Variants in EPB41L4B observed in about 807,000 individuals in gnomAD.
The protein encoded by EPB41L4B is band 4.1-like protein 4B.
EPB41L4B carries 30 observed loss-of-function variants against 112.5 expected under a neutral mutation model. The observed-to-expected ratio is 0.27, with a 90% CI of 0.20 to 0.36. EPB41L4B has a LOEUF of 0.36. Ranked by LOEUF, EPB41L4B falls within the 10% of genes least tolerant of loss-of-function variation. The pLI, the probability that EPB41L4B is intolerant of heterozygous loss-of-function variation, is 1.00. For missense variants in EPB41L4B, 1,024 were observed against 1,133.3 expected, an observed-to-expected ratio of 0.90 and a Z score of 1.38; for synonymous variants, 408 against 439.7, an observed-to-expected ratio of 0.93 and a Z score of 0.90.
chr9:109,265,027 G>T lies in EPB41L4B; in HGVS notation c.534-3C>A. On this transcript the variant is annotated splice_region_variant and splice_polypyrimidine_tract_variant and intron_variant, in intron 4 of 25. Coordinates refer to ENST00000374566, the MANE Select transcript of EPB41L4B (RefSeq NM_019114.5). ...TGAGTTGTAAAACAAACAGGTACCT[G>T]ACAAACATATACAAAAGTCAACAGA... is the stretch of plus-strand genomic sequence containing the variant. 1 of 1,603,238 alleles carries T rather than the reference G, an allele frequency of 6.2e-7. No homozygotes were observed.
intron 12 of EPB41L4B, among the ~76,000 whole-genome samples, chr9:109,252,326 C>T (rs574839689): frequency 6.6e-6 from 1 of 152,346 alleles, no homozygotes; most frequent in African/African-American, 2.4e-5. Context: ...CCAGCATAAT[C>T]CTCCTCATGG....
intron 22 of EPB41L4B, among the ~76,000 whole-genome samples, chr9:109,188,815 T>G (rs1832356594): frequency 6.6e-6 from 1 of 152,180 alleles, no homozygotes; most frequent in Non-Finnish European, 1.5e-5. Flanking sequence ...TAATTGGCTC[T>G]GCTTTGCAGT....
Position 109,175,468 on chromosome 9 carries a change from AACACACACACAC to A in EPB41L4B, c.2634-857_2634-846del, listed in dbSNP as rs59210551. 9.0e-4 allele frequency among the ~76,000 whole-genome samples: 117 copies of A among 129,406 alleles called. 1 individual carries two copies. The highest frequency in any genetic ancestry group is 2.8e-3 in the African/African-American group (95 of 34,504). 84.9% of individuals were successfully genotyped at this position (129,406 alleles called of 152,430 possible). ...CTATGTAACCTGTCTCCACTGTTTAAACACACACACACACACACACACACACACACACACACA... is the reference window on the plus strand; with the variant it reads ...CTATGTAACCTGTCTCCACTGTTTAAACACACACACACACACACACACACA... On this transcript the variant is annotated intron_variant, in intron 25 of 25. Transcript: ENST00000374566.
chr9:109,236,429 A>G (rs1834145472), intron 15 of EPB41L4B, among the ~76,000 whole-genome samples: 1 of 152,144 alleles, frequency 6.6e-6, no homozygotes, highest in Non-Finnish European at 1.5e-5. Flanking sequence ...AAAAAAAAAA[A>G]AAAGAGTTGA....
intron 20 of EPB41L4B, 67 bp downstream of exon 20, chr9:109,200,169 G>T: frequency 7.4e-7 from 1 of 1,354,220 alleles, no homozygotes; most frequent in Non-Finnish European, 1.1e-6. Context: ...GGGCTAAGAA[G>T]CATTTGTATC....
At chr9:109,237,660 T>C (rs1834195166) in intron 15 of EPB41L4B, among the ~76,000 whole-genome samples, 1 of 152,010 alleles carries the variant, frequency 6.6e-6, no homozygotes, top group Non-Finnish European at 1.5e-5. Flanking sequence ...TGGAGAGGGT[T>C]ACTAGACCAC....
At chr9:109,281,718 AAATAAATTAATTAATT>A (rs1481580848) in intron 1 of EPB41L4B, among the ~76,000 whole-genome samples, 186 of 118,296 alleles carry the variant, frequency 1.6e-3, no homozygotes, top group African/African-American at 6.1e-3. Context: ...ATAAATAAAT[AAATAAATTAATTAATT>A]AATTTTAAAA....
intron 15 of EPB41L4B, chr9:109,241,605 T>A: frequency 1.2e-6 from 2 of 1,606,692 alleles, no homozygotes; most frequent in Non-Finnish European, 1.7e-6. Flanking sequence ...GCCAAGACAC[T>A]TTTCATGGAA....
At chr9:109,226,663 TGAA>T (rs1395591210) in intron 15 of EPB41L4B, among the ~76,000 whole-genome samples, 8 of 84,358 alleles carry the variant, frequency 9.5e-5, no homozygotes, top group African/African-American at 1.6e-4. Context: ...AATATATATA[TGAA>T]GAATATATAT....
intron 19 of EPB41L4B, among the ~76,000 whole-genome samples, chr9:109,201,155 C>G (rs1409970971): frequency 6.6e-6 from 1 of 152,126 alleles, no homozygotes; most frequent in Non-Finnish European, 1.5e-5. Flanking sequence ...CGGGGCCTAA[C>G]AAATGCATGT....
At chr9:109,311,897 C>T (rs1035410803) in intron 1 of EPB41L4B, among the ~76,000 whole-genome samples, 2 of 152,174 alleles carry the variant, frequency 1.3e-5, no homozygotes, top group South Asian at 4.1e-4. Flanking sequence ...TGATAACGTG[C>T]ACCTTCCCAG....
At chr9:109,216,500 G>A (rs900473851) in intron 16 of EPB41L4B, among the ~76,000 whole-genome samples, 1 of 152,014 alleles carries the variant, frequency 6.6e-6, no homozygotes, top group African/African-American at 2.4e-5. Flanking sequence ...AATTAGTTGG[G>A]TGTGGTGGCA....
In EPB41L4B at chr9:109,207,979, A is replaced by T. The variant is rs761720371; in HGVS notation, c.1823T>A (p.Val608Glu). 6.2e-7 allele frequency: 1 copy of T among 1,614,230 alleles called. No individual in the cohort carries two copies. Among genetic ancestry groups the T allele is most frequent in the Non-Finnish European group, 8.5e-7 (1 of 1,180,038 alleles). ...PLLPSPVADHVKCNILKAQLE... is the reference protein window; with the variant it reads ...PLLPSPVADHEKCNILKAQLE... ...CTGGGCTTTCAGAATGTTACACTTC[A>T]CATGATCCGCAACAGGGGAAGGCAA... The change falls in exon 18 of 26, where the codon GTG becomes GAG. Residue 608 changes from valine (V) to glutamate (E), a missense_variant. Transcript: ENST00000374566.
chr9:109,208,723 T>C (rs1833062997), intron 17 of EPB41L4B, among the ~76,000 whole-genome samples: 1 of 152,164 alleles, frequency 6.6e-6, no homozygotes, highest in South Asian at 2.1e-4. Flanking sequence ...ATTATATTTA[T>C]TATAATAAAC....
At position 109,255,513 on chromosome 9, in the gene EPB41L4B, G is replaced by C; in HGVS notation, c.1167C>G (p.Phe389Leu). 1 of 1,613,974 alleles carries C rather than the reference G, an allele frequency of 6.2e-7. No homozygotes were observed. The highest frequency in any genetic ancestry group is 8.5e-7 in the Non-Finnish European group (1 of 1,179,874). Residue 389 changes from phenylalanine (F) to leucine (L), a missense_variant and splice_region_variant, in exon 11 of 26, where the codon TTC (phenylalanine) becomes TTG (leucine). By Grantham distance (22) the Phe-to-Leu change is conservative. Coordinates refer to ENST00000374566, the MANE Select transcript of EPB41L4B (RefSeq NM_019114.5). ...GTGTTGCAGAAATGGCTCCCTACCTGAATCTGAAGCGAGAGCCCAGCCTGA... is the reference window on the plus strand; with the variant it reads ...GTGTTGCAGAAATGGCTCCCTACCTCAATCTGAAGCGAGAGCCCAGCCTGA... ...DFIRLGSRFRFSGRTEYQATH... is the reference protein window; with the variant it reads ...DFIRLGSRFRLSGRTEYQATH...
chr9:109,259,450 A>G (rs1835117085), intron 6 of EPB41L4B, among the ~76,000 whole-genome samples: 1 of 152,066 alleles, frequency 6.6e-6, no homozygotes, highest in African/African-American at 2.4e-5. Flanking sequence ...CACTTTAAGA[A>G]CCTCTGCTGC....
At chr9:109,309,424 G>T (rs1006245586) in intron 1 of EPB41L4B, among the ~76,000 whole-genome samples, 17 of 152,174 alleles carry the variant, frequency 1.1e-4, no homozygotes, top group African/African-American at 4.1e-4. Flanking sequence ...TCAACTTGGG[G>T]CTTACAGTGT....
intron 16 of EPB41L4B, among the ~76,000 whole-genome samples, 161 bp downstream of exon 16, chr9:109,216,761 A>G (rs931206028): frequency 2.0e-5 from 3 of 152,238 alleles, no homozygotes; most frequent in Non-Finnish European, 4.4e-5. Flanking sequence ...GCTCAAATGC[A>G]TAAGGCTCTT....
chr9:109,188,417 A>G (rs144323901), intron 22 of EPB41L4B, among the ~76,000 whole-genome samples: 1,860 of 152,284 alleles, frequency 0.012, 13 homozygotes, highest in Middle Eastern at 0.041. Flanking sequence ...ATGTTGTCCA[A>G]CAGGTAGAGA....
Sources: allele counts gnomAD v4.1 joint callset (sites outside exome capture counted in the v4.1 genomes callset), GRCh38; gene constraint gnomAD v4.1.1; transcripts MANE v1.5; gene names NCBI Gene and HGNC (gene_info 2026-07-23, HGNC 2026-07-21).